Variants in SPOCK3 observed in about 807,000 individuals in gnomAD.
The protein encoded by SPOCK3 is testican-3.
A neutral mutation model predicts 56.6 loss-of-function variants in SPOCK3; 30 were observed. The observed-to-expected ratio is 0.53, with a 90% confidence interval of 0.40 to 0.72. The LOEUF is 0.72. Ranked by LOEUF, SPOCK3 falls within the 30% of genes least tolerant of loss-of-function variation. The pLI, the probability that SPOCK3 is intolerant of heterozygous loss-of-function variation, is 0.00. For synonymous variants in SPOCK3, 196 were observed against 183.3 expected, an observed-to-expected ratio of 1.07 and a Z score of -0.56; for missense variants, 527 against 530.0, an observed-to-expected ratio of 0.99 and a Z score of 0.06.
intron 2 of SPOCK3, among the ~76,000 whole-genome samples, chr4:167,142,924 A>G (rs528798868): frequency 6.6e-6 from 1 of 152,032 alleles, no homozygotes. Context: ...CCAGGTCCTC[A>G]TGATGATAAA....
chr4:166,909,436 T>C (rs1737009828), intron 5 of SPOCK3, among the ~76,000 whole-genome samples: 2 of 152,092 alleles, frequency 1.3e-5, no homozygotes, highest in African/African-American at 4.8e-5. Context: ...ATATCATTTA[T>C]AATCTCCTCT....
intron 3 of SPOCK3, among the ~76,000 whole-genome samples, chr4:167,043,554 A>G (rs1200083326): frequency 6.6e-6 from 1 of 152,060 alleles, no homozygotes; most frequent in Non-Finnish European, 1.5e-5. Flanking sequence ...ATAATTAGGT[A>G]TGATGGTAGC....
chr4:166,971,742 T>C (rs1745404890), intron 4 of SPOCK3, among the ~76,000 whole-genome samples: 1 of 152,054 alleles, frequency 6.6e-6, no homozygotes, highest in African/African-American at 2.4e-5. Context: ...TCCCTACGTA[T>C]GTATTTTCCT....
Position 167,051,968 on chromosome 4 carries a change from C to T in SPOCK3, c.235+10524G>A, listed in dbSNP as rs187834141. Among the ~76,000 whole-genome samples, 628 of 152,162 alleles carry T rather than the reference C, an allele frequency of 4.1e-3. 5 individuals carry two copies. The highest frequency in any genetic ancestry group is 3.0e-3 in the African/African-American group (125 of 41,524). ...TACAATTTAATAACATATAAGGAAA[C>T]GGAAAATAGATATAATTTGCCTTCT... On this transcript the variant is annotated intron_variant, in intron 3 of 10. Transcript: ENST00000357545.
intron 6 of SPOCK3, among the ~76,000 whole-genome samples, chr4:166,853,721 A>T (rs183574210): frequency 3.3e-5 from 5 of 152,224 alleles, no homozygotes; most frequent in Non-Finnish European, 7.4e-5. Context: ...CATCTCTACT[A>T]AAAATACTAA....
chr4:166,948,532 T>C (rs934967948), intron 4 of SPOCK3, among the ~76,000 whole-genome samples: 1 of 152,182 alleles, frequency 6.6e-6, no homozygotes, highest in African/African-American at 2.4e-5. Flanking sequence ...TTTTTTTTTA[T>C]CTTCTGACTA....
intron 7 of SPOCK3, among the ~76,000 whole-genome samples, chr4:166,771,950 T>C (rs544421385): frequency 6.6e-6 from 1 of 152,210 alleles, no homozygotes; most frequent in East Asian, 1.9e-4. Flanking sequence ...ACCATGTTTT[T>C]ATAGTTCTTA....
intron 8 of SPOCK3, among the ~76,000 whole-genome samples, chr4:166,743,162 T>C (rs1735086245): frequency 6.6e-6 from 1 of 152,096 alleles, no homozygotes; most frequent in Non-Finnish European, 1.5e-5. Context: ...GTGCATTTTA[T>C]ATTCATATTC....
chr4:166,903,847 A>G (rs1325286698), intron 5 of SPOCK3, among the ~76,000 whole-genome samples: 5 of 152,078 alleles, frequency 3.3e-5, no homozygotes, highest in Admixed American at 3.3e-4. Flanking sequence ...CAGTGCTCAT[A>G]GAGTATATCC....
intron 3 of SPOCK3, among the ~76,000 whole-genome samples, chr4:167,049,078 T>A (rs1004948659): frequency 6.6e-6 from 1 of 151,630 alleles, no homozygotes; most frequent in East Asian, 1.9e-4. Flanking sequence ...CATATTCCAA[T>A]GTATTTCAAG....
intron 2 of SPOCK3, chr4:167,119,955 G>T: frequency 3.4e-6 from 3 of 883,578 alleles, no homozygotes; most frequent in Non-Finnish European, 5.0e-6. Flanking sequence ...GATGAAAATA[G>T]CTACATTTAA....
chr4:167,010,822 G>A (rs982748782), intron 3 of SPOCK3, among the ~76,000 whole-genome samples: 1 of 151,952 alleles, frequency 6.6e-6, no homozygotes, highest in Non-Finnish European at 1.5e-5. Flanking sequence ...ATTTCCAGTG[G>A]GGGGGAGATA....
intron 3 of SPOCK3, chr4:167,011,265 A>C (rs1750028180): frequency 2.2e-6 from 1 of 455,976 alleles, no homozygotes; most frequent in African/African-American, 2.0e-5. Flanking sequence ...GGCAATATTC[A>C]CATCACACAA....
At chr4:166,762,562 A>T (rs976485541) in intron 7 of SPOCK3, among the ~76,000 whole-genome samples, 1 of 152,106 alleles carries the variant, frequency 6.6e-6, no homozygotes, top group Non-Finnish European at 1.5e-5. Context: ...CTGAAAGCTC[A>T]GACTCAGTTT....
intron 5 of SPOCK3, among the ~76,000 whole-genome samples, chr4:166,911,030 C>A (rs904526139): frequency 2.0e-5 from 3 of 152,036 alleles, no homozygotes; most frequent in African/African-American, 7.2e-5. Context: ...GAGATAGATT[C>A]ACTCTCCCTT....
At chr4:166,760,900 T>G (rs2126507026) in intron 7 of SPOCK3, among the ~76,000 whole-genome samples, 1 of 41,270 alleles carries the variant, frequency 2.4e-5, no homozygotes, top group East Asian at 3.5e-4. Flanking sequence ...AAATGGGATC[T>G]AATTAAACTA....
intron 5 of SPOCK3, among the ~76,000 whole-genome samples, chr4:166,891,564 T>A (rs971242886): frequency 5.3e-5 from 8 of 152,006 alleles, no homozygotes; most frequent in Admixed American, 3.9e-4. Context: ...TTTTCATTAT[T>A]CAATGCTTCA....
At chr4:167,231,474 T>C (rs1035496143) in intron 2 of SPOCK3, among the ~76,000 whole-genome samples, 2 of 152,148 alleles carry the variant, frequency 1.3e-5, no homozygotes, top group African/African-American at 2.4e-5. Flanking sequence ...CCATGTTTCT[T>C]TGCCCTCATA....
intron 7 of SPOCK3, among the ~76,000 whole-genome samples, chr4:166,781,472 A>G (rs1740164460): frequency 6.6e-6 from 1 of 152,064 alleles, no homozygotes; most frequent in Non-Finnish European, 1.5e-5. Context: ...AGGAAGAAGA[A>G]GAAGGTGAAA....
Sources: allele counts gnomAD v4.1 joint callset (sites outside exome capture counted in the v4.1 genomes callset), GRCh38; gene constraint gnomAD v4.1.1; transcripts MANE v1.5; gene names NCBI Gene and HGNC (gene_info 2026-07-23, HGNC 2026-07-21).